Variants in RTL9 observed in about 807,000 individuals in gnomAD.
RTL9 encodes the protein retrotransposon Gag-like protein 9.
RTL9 carries 19 observed loss-of-function variants against 44.7 expected under a neutral mutation model. The observed-to-expected ratio is 0.42, with a 90% CI of 0.30 to 0.62. The LOEUF (loss-of-function observed/expected upper bound fraction) is 0.62. Ranked by LOEUF, RTL9 falls within the 20% of genes least tolerant of loss-of-function variation. RTL9 has a pLI of 0.16. For synonymous variants in RTL9, 407 were observed against 398.9 expected (o/e 1.02, Z -0.24); for missense variants, 1,105 against 1,080.6 (o/e 1.02, Z -0.32).
chrX:110,385,916 A>G (rs750549482), intron 1 of RTL9, among the ~76,000 whole-genome samples: 1 of 112,069 alleles, frequency 8.9e-6, no homozygotes, highest in Non-Finnish European at 1.9e-5. Context: ...AGAACATAGC[A>G]TAATGTTTTT....
At chrX:110,437,578 C>A (rs984318354) in intron 1 of RTL9, among the ~76,000 whole-genome samples, 1 of 112,025 alleles carries the variant, frequency 8.9e-6, no homozygotes, top group Non-Finnish European at 1.9e-5. Context: ...GGGGATGCTG[C>A]ATTCTTGACC....
At chrX:110,446,110 T>TATGA (rs1477583641), upstream of RTL9, among the ~76,000 whole-genome samples, 3 of 111,209 alleles carry the variant, frequency 2.7e-5, no homozygotes, top group Non-Finnish European at 5.7e-5. Flanking sequence ...AATTGAATGA[T>TATGA]ATGAACTCTG....
At chrX:110,442,951 G>A (rs1324060601) in intron 1 of RTL9, among the ~76,000 whole-genome samples, 1 of 111,409 alleles carries the variant, frequency 9.0e-6, no homozygotes. Context: ...ACCAATGAGA[G>A]TTTCTCTCTT....
chrX:110,441,607 A>G (rs1051350184), intron 1 of RTL9, among the ~76,000 whole-genome samples: 29 of 112,400 alleles, frequency 2.6e-4, no homozygotes, highest in African/African-American at 9.1e-4. Context: ...TGTGGTAGAT[A>G]TAACATATAT....
chrX:110,439,344 G>A (rs1013150410), intron 1 of RTL9, among the ~76,000 whole-genome samples: 13 of 112,281 alleles, frequency 1.2e-4, no homozygotes, highest in African/African-American at 2.3e-4. Context: ...GTGGGATAGC[G>A]TGGAGCCTCC....
At chrX:110,360,695 G>A (rs1288326908) in intron 1 of RTL9, among the ~76,000 whole-genome samples, 2 of 111,167 alleles carry the variant, frequency 1.8e-5, no homozygotes, top group Non-Finnish European at 3.8e-5. Context: ...TTTTTGGAGG[G>A]GAAGGACAAA....
intron 1 of RTL9, among the ~76,000 whole-genome samples, chrX:110,393,560 G>A (rs1433595680): frequency 3.6e-5 from 4 of 111,692 alleles, no homozygotes; most frequent in Non-Finnish European, 7.5e-5. Context: ...TGTGCTATTT[G>A]CCATATCATC....
chrX:110,424,710 G>C (rs1212023136), intron 1 of RTL9, among the ~76,000 whole-genome samples: 1 of 111,808 alleles, frequency 8.9e-6, no homozygotes, highest in Non-Finnish European at 1.9e-5. Flanking sequence ...ATTATAAGTA[G>C]TATATCAGAG....
chrX:110,373,793 C>A (rs1156997856), intron 1 of RTL9, among the ~76,000 whole-genome samples: 1 of 111,288 alleles, frequency 9.0e-6, no homozygotes, highest in Non-Finnish European at 1.9e-5. Context: ...GGTGTGTGTA[C>A]ACCAAATAAA....
exon 1 of RTL9, chrX:110,452,497 T>A: frequency 8.3e-7 from 1 of 1,211,583 alleles, no homozygotes; most frequent in South Asian, 1.8e-5. Flanking sequence ...TCAGGAACGA[T>A]GTTCACGGAG....
At chrX:110,414,938 T>C (rs190403261), upstream of RTL9, among the ~76,000 whole-genome samples, 5 of 112,350 alleles carry the variant, frequency 4.5e-5, no homozygotes, top group Non-Finnish European at 9.4e-5. Context: ...GACACCTTGC[T>C]TTCTTCTGAA....
At chrX:110,370,174 T>G (rs2068327767) in intron 1 of RTL9, among the ~76,000 whole-genome samples, 1 of 111,630 alleles carries the variant, frequency 9.0e-6, no homozygotes, top group Non-Finnish European at 1.9e-5. Flanking sequence ...ATGAATCTAT[T>G]CTGTCTCTCT....
At chrX:110,386,110 G>A (rs902253748) in intron 1 of RTL9, among the ~76,000 whole-genome samples, 2 of 110,884 alleles carry the variant, frequency 1.8e-5, no homozygotes, top group African/African-American at 6.5e-5. Flanking sequence ...AAGTTTTTGT[G>A]TAAAGATATG....
intron 1 of RTL9, among the ~76,000 whole-genome samples, chrX:110,433,086 T>C (rs779742714): frequency 1.8e-5 from 2 of 112,514 alleles, no homozygotes; most frequent in East Asian, 5.6e-4. Context: ...TGCTGCTGTC[T>C]GTGAGCTCGT....
At chrX:110,392,272 G>GTTTT (rs377409601) in intron 1 of RTL9, among the ~76,000 whole-genome samples, 5 of 85,075 alleles carry the variant, frequency 5.9e-5, no homozygotes, top group Admixed American at 1.3e-4. Flanking sequence ...TCTACCACAG[G>GTTTT]TTTTTTTTTT....
chrX:110,440,077 C>T (rs977762836), intron 1 of RTL9: 2 of 111,327 alleles, frequency 1.8e-5, no homozygotes, highest in Non-Finnish European at 3.8e-5. Flanking sequence ...GGATGTCTCT[C>T]ATCCTGCCAG....
intron 1 of RTL9, among the ~76,000 whole-genome samples, chrX:110,428,354 T>TAC (rs2068769504): frequency 8.9e-6 from 1 of 112,002 alleles, no homozygotes; most frequent in Admixed American, 9.4e-5. Flanking sequence ...CTCACTGAAC[T>TAC]GTAAGTAACT....
intron 1 of RTL9, among the ~76,000 whole-genome samples, chrX:110,440,866 C>G (rs1295620393): frequency 8.9e-6 from 1 of 112,158 alleles, no homozygotes; most frequent in Non-Finnish European, 1.9e-5. Flanking sequence ...TCCCTAGCTT[C>G]TAACTGGATC....
intron 1 of RTL9, among the ~76,000 whole-genome samples, chrX:110,408,408 C>T (rs773541989): frequency 1.3e-4 from 15 of 112,526 alleles, no homozygotes; most frequent in African/African-American, 3.6e-4. Flanking sequence ...TGTTCTCCAA[C>T]GCCCACGACA....
Sources: gnomAD v4.1 joint callset for allele counts (sites outside exome capture counted in the v4.1 genomes callset) on GRCh38, gnomAD v4.1.1 for gene constraint, MANE v1.5 for transcripts, NCBI Gene and HGNC (gene_info 2026-07-23, HGNC 2026-07-21) for gene names.